GALK2: variants seen among roughly 807,000 people sequenced by gnomAD.
GALK2 encodes the protein N-acetylgalactosamine kinase.
Under a neutral mutation model 52.4 loss-of-function variants are expected in GALK2, and 36 were observed. The ratio of observed to expected loss-of-function variants is 0.69; its 90% confidence interval spans 0.53 to 0.91. The LOEUF (loss-of-function observed/expected upper bound fraction) is 0.91, where lower values mean the gene tolerates loss of function less well. Among genes scored for constraint, GALK2 ranks in the 40% least tolerant of loss-of-function variants. The pLI is 0.00. For missense variants in GALK2, 579 were observed against 559.1 expected (o/e 1.04, Z -0.36); for synonymous variants, 176 against 199.1 (o/e 0.88, Z 0.98).
intron 5 of GALK2, among the ~76,000 whole-genome samples, chr15:49,269,409 G>A (rs375995331): frequency 1.1e-4 from 17 of 152,278 alleles, no homozygotes; most frequent in South Asian, 8.3e-4. Context: ...AACATGGGGA[G>A]TAGAGTTGTG....
At chr15:49,205,086 T>C (rs1367711176) in intron 2 of GALK2, among the ~76,000 whole-genome samples, 2 of 152,246 alleles carry the variant, frequency 1.3e-5, no homozygotes, top group Non-Finnish European at 2.9e-5. Context: ...AGTTTCTTTA[T>C]CTACTTGTTG....
At chr15:49,231,583 C>G (rs937956626) in intron 3 of GALK2, among the ~76,000 whole-genome samples, 34 of 152,166 alleles carry the variant, frequency 2.2e-4, no homozygotes, top group African/African-American at 7.5e-4. Flanking sequence ...TCATCTGAGA[C>G]AAGGCAAGTC....
At chr15:49,244,711 G>A (rs1000501733) in intron 5 of GALK2, among the ~76,000 whole-genome samples, 6 of 151,956 alleles carry the variant, frequency 3.9e-5, no homozygotes, top group African/African-American at 1.5e-4. Flanking sequence ...AGAGGAGTTG[G>A]GTATTTATAG....
intron 3 of GALK2, among the ~76,000 whole-genome samples, chr15:49,361,206 A>T (rs958979785): frequency 6.6e-6 from 1 of 152,194 alleles, no homozygotes; most frequent in African/African-American, 2.4e-5. Flanking sequence ...TAAAAAATTA[A>T]TTTAAAAAAC....
intron 2 of GALK2, among the ~76,000 whole-genome samples, chr15:49,205,089 A>G (rs1008037677): frequency 1.5e-4 from 23 of 152,008 alleles, no homozygotes; most frequent in Admixed American, 1.2e-3. Flanking sequence ...TTCTTTATCT[A>G]CTTGTTGATT....
intron 5 of GALK2, among the ~76,000 whole-genome samples, chr15:49,263,887 G>C (rs980222664): frequency 1.3e-5 from 2 of 151,296 alleles, no homozygotes; most frequent in African/African-American, 4.9e-5. Flanking sequence ...TCAGAATGTT[G>C]AATATTGGCC....
intron 3 of GALK2, among the ~76,000 whole-genome samples, chr15:49,360,855 A>G (rs1054665281): frequency 1.3e-5 from 2 of 152,212 alleles, no homozygotes; most frequent in African/African-American, 4.8e-5. Flanking sequence ...CAGAAGACAT[A>G]AGCACTCCTG....
At chr15:49,365,285 T>C (rs896272037) in intron 3 of GALK2, 72 of 1,506,910 alleles carry the variant, frequency 4.8e-5, no homozygotes, top group East Asian at 9.0e-5. Flanking sequence ...AGTTACTAAA[T>C]AGAGGAGAGC....
At chr15:49,235,531 A>C in intron 3 of GALK2, 1 of 479,958 alleles carries the variant, frequency 2.1e-6, no homozygotes, top group Admixed American at 2.4e-5. Context: ...GAGGATAAGC[A>C]TTCATGTGGT....
chr15:49,206,321 T>C (rs2088281674), intron 2 of GALK2, among the ~76,000 whole-genome samples: 1 of 151,892 alleles, frequency 6.6e-6, no homozygotes, highest in Non-Finnish European at 1.5e-5. Flanking sequence ...TATGTATGGT[T>C]CCATATGAAT....
chr15:49,363,282 G>A (rs2151422733), intron 3 of GALK2, among the ~76,000 whole-genome samples: 1 of 152,056 alleles, frequency 6.6e-6, no homozygotes, highest in East Asian at 1.9e-4. Context: ...ACTTGTTTGT[G>A]TCATCTCTGA....
chr15:49,271,536 AG>A (rs986644472), intron 5 of GALK2, among the ~76,000 whole-genome samples: 10 of 152,222 alleles, frequency 6.6e-5, no homozygotes, highest in Non-Finnish European at 1.3e-4. Context: ...TATGCTTAAA[AG>A]CATAGAACCA....
Position 49,162,631 on chromosome 15 carries a change from A to G in GALK2, c.20+6615A>G, listed in dbSNP as rs117664198. Among the ~76,000 whole-genome samples the G allele has an allele frequency of 1.6e-4, 24 of 152,370 alleles. No homozygotes were observed. In the East Asian group the frequency reaches 4.6e-3, roughly 29 times the overall value. ...AAAGGTGATATACGTGATTATATAT[A>G]CATGATTACATTATACAAGATTGTT... is the stretch of plus-strand genomic sequence containing the variant. On this transcript the variant is annotated intron_variant, in intron 1 of 9. Coordinates refer to the GALK2 transcript ENST00000327171.
chr15:49,366,547 G>C (rs2045222678), intron 3 of GALK2: 5 of 1,576,974 alleles, frequency 3.2e-6, no homozygotes, highest in South Asian at 2.2e-5. Flanking sequence ...ACCAATGGGG[G>C]TTATAAAGCA....
intron 5 of GALK2, among the ~76,000 whole-genome samples, chr15:49,260,578 C>T (rs1171615086): frequency 1.4e-5 from 2 of 147,022 alleles, no homozygotes; most frequent in Non-Finnish European, 3.0e-5. Context: ...TAATTAGATC[C>T]CATTTGTCAA....
intron 9 of GALK2, chr15:49,327,557 G>C (rs1047866704): frequency 1.3e-5 from 2 of 157,688 alleles, no homozygotes; most frequent in African/African-American, 4.8e-5. Context: ...GTGACCTTCT[G>C]ATTCAGGGTT....
intron 1 of GALK2, among the ~76,000 whole-genome samples, chr15:49,192,472 A>G (rs1319676664): frequency 1.1e-5 from 1 of 87,018 alleles, no homozygotes; most frequent in East Asian, 3.0e-4. Context: ...TGCAATGAAT[A>G]TTATATATAT....
chr15:49,228,868 T>C (rs748145759), intron 3 of GALK2, among the ~76,000 whole-genome samples: 9 of 150,480 alleles, frequency 6.0e-5, no homozygotes, highest in Non-Finnish European at 8.9e-5. Flanking sequence ...CTGATTTTTG[T>C]ATTTTTAGTA....
chr15:49,245,883 A>G (rs1371161540), intron 5 of GALK2, among the ~76,000 whole-genome samples: 2 of 152,228 alleles, frequency 1.3e-5, no homozygotes, highest in Non-Finnish European at 2.9e-5. Context: ...TTTCTTGAAC[A>G]TTAAACAATT....
Sources: gnomAD v4.1 joint callset for allele counts (sites outside exome capture counted in the v4.1 genomes callset) on GRCh38, gnomAD v4.1.1 for gene constraint, MANE v1.5 for transcripts, NCBI Gene and HGNC (gene_info 2026-07-23, HGNC 2026-07-21) for gene names.